The following RASA2 variants were observed in gnomAD, a reference collection of about 807,000 sequenced individuals.
The protein encoded by RASA2 is ras GTPase-activating protein 2.
Under a neutral mutation model 118.2 loss-of-function variants are expected in RASA2, and 155 were observed. The observed-to-expected ratio is 1.31, with a 90% CI of 1.15 to 1.50. RASA2 has a LOEUF of 1.50. Ranked by LOEUF, RASA2 falls within the 40% of genes most tolerant of loss-of-function variation. The probability of loss-of-function intolerance (pLI) is 0.00; values close to 1 mark genes in which losing one functional copy is unlikely to be tolerated. For synonymous variants in RASA2, 353 were observed against 349.1 expected (o/e 1.01, Z -0.12); for missense variants, 1,016 against 1,009.6 (o/e 1.01, Z -0.09).
At chr3:141,580,530 C>G in intron 16 of RASA2, 79 bp downstream of exon 16, 1 of 1,084,688 alleles carries the variant, frequency 9.2e-7, no homozygotes, top group Non-Finnish European at 1.3e-6. Flanking sequence ...CTTGACTTAC[C>G]TTCTTCCAAA....
In RASA2 at chr3:141,609,997, T is replaced by C. The variant is rs770270079; in HGVS notation, c.2450T>C (p.Ile817Thr). Residue 817 changes from isoleucine to threonine, a missense_variant, in exon 23 of 24, where the codon ATT becomes ACT. By Grantham distance (89) the Ile-to-Thr change is moderately conservative (BLOSUM62 -1). Transcript: ENST00000286364. ...ACAATTCAGCAAATAAAAAGCATAATTGAGAAGCTGGATGAACCTCATGAA... is the reference window on the plus strand; with the variant it reads ...ACAATTCAGCAAATAAAAAGCATAACTGAGAAGCTGGATGAACCTCATGAA... ...FKTIQQIKSI[I>T]EKLDEPHEKY... 2 of 1,606,306 alleles carry C rather than the reference T, an allele frequency of 1.2e-6. No individual in the cohort carries two copies. Among genetic ancestry groups the C allele is most frequent in the Non-Finnish European group, 1.7e-6 (2 of 1,176,504 alleles).
chr3:141,516,391 T>C lies in RASA2; in HGVS notation c.315T>C (p.Tyr105=). 2 of 1,563,330 alleles carry C rather than the reference T, an allele frequency of 1.3e-6. No individual in the cohort carries two copies. Among genetic ancestry groups the C allele is most frequent in the Non-Finnish European group, 1.7e-6 (2 of 1,155,494 alleles). ...IPRTFQYLSF[Y]VYDKNVLQRD... is the part of the protein sequence containing the mutation. ...GAACTTTCCAGTATTTGTCTTTCTA[T>C]GTTTATGATAAGAATGTTTTACAAA... The change falls in exon 3 of 24, where the codon TAT becomes TAC. Residue 105 remains tyrosine (Y), a synonymous_variant. Coordinates refer to ENST00000286364, the MANE Select transcript of RASA2 (RefSeq NM_006506.5).
intron 19 of RASA2, among the ~76,000 whole-genome samples, chr3:141,607,403 C>T (rs73871841): frequency 0.013 from 1,988 of 151,860 alleles, 31 homozygotes; most frequent in African/African-American, 0.045. Context: ...AACTTTCTTA[C>T]GTTCTACACA....
At chr3:141,509,684 T>C (rs994325144) in intron 1 of RASA2, among the ~76,000 whole-genome samples, 2 of 151,838 alleles carry the variant, frequency 1.3e-5, no homozygotes, top group African/African-American at 2.4e-5. Flanking sequence ...GTAATGAAAA[T>C]AGAATTGCTA....
intron 19 of RASA2, among the ~76,000 whole-genome samples, chr3:141,599,858 G>C (rs1269819011): frequency 6.6e-6 from 1 of 152,168 alleles, no homozygotes; most frequent in Non-Finnish European, 1.5e-5. Context: ...CGAAGAGTAA[G>C]GGAGGGAATG....
chr3:141,487,053 G>A lies in RASA2; in HGVS notation c.-31G>A. 2 of 1,220,928 alleles carry A rather than the reference G, an allele frequency of 1.6e-6. No homozygotes were observed. The highest frequency in any genetic ancestry group is 4.7e-5 in the Admixed American group (1 of 21,386). The allele number at this position is 1,220,928 out of a possible 1,614,324, so 75.6% of individuals were successfully genotyped here. On this transcript the variant is annotated 5_prime_UTR_variant, in exon 1 of 24. Coordinates refer to ENST00000286364, the MANE Select transcript of RASA2 (RefSeq NM_006506.5). ...CTCCGCCTCGCCCGGCTACGCAGGC[G>A]GCAGGGCTGCGGCACGGGCCGGGCG...
intron 9 of RASA2, among the ~76,000 whole-genome samples, chr3:141,562,021 C>T (rs965528176): frequency 2.0e-5 from 3 of 151,858 alleles, no homozygotes; most frequent in African/African-American, 4.8e-5. Context: ...GGCATGATCT[C>T]GGCTCACTGC....
intron 3 of RASA2, among the ~76,000 whole-genome samples, chr3:141,521,894 GTTT>G (rs369996071): frequency 7.2e-6 from 1 of 139,674 alleles, no homozygotes; most frequent in Admixed American, 7.1e-5. Flanking sequence ...TAACACACAG[GTTT>G]TTTTTTTTTT....
chr3:141,569,689 G>A (rs1049282695), intron 9 of RASA2, among the ~76,000 whole-genome samples: 1 of 151,914 alleles, frequency 6.6e-6, no homozygotes, highest in African/African-American at 2.4e-5. Flanking sequence ...TTGTTACATG[G>A]GTATATTGTG....
chr3:141,492,189 C>G (rs2081647197), intron 1 of RASA2, among the ~76,000 whole-genome samples: 1 of 152,106 alleles, frequency 6.6e-6, no homozygotes, highest in Non-Finnish European at 1.5e-5. Context: ...TTGAATAGAT[C>G]CTTAAGTGAC....
intron 13 of RASA2, among the ~76,000 whole-genome samples, chr3:141,573,651 T>C (rs1178677238): frequency 1.3e-5 from 2 of 152,226 alleles, no homozygotes; most frequent in Non-Finnish European, 2.9e-5. Context: ...TGCTTGTGTA[T>C]CCGAGTTATT....
intron 5 of RASA2, among the ~76,000 whole-genome samples, chr3:141,543,866 T>C: frequency 8.2e-6 from 1 of 121,732 alleles, no homozygotes; most frequent in Non-Finnish European, 1.7e-5. Flanking sequence ...TCTTTCTTTC[T>C]TTCTTTTTTC....
intron 23 of RASA2, 89 bp downstream of exon 23, chr3:141,610,155 C>A: frequency 8.7e-7 from 1 of 1,150,404 alleles, no homozygotes; most frequent in South Asian, 1.8e-5. Context: ...CCTGCTCACC[C>A]ACATCTGTCA....
intron 1 of RASA2, among the ~76,000 whole-genome samples, chr3:141,493,976 T>G (rs2081668382): frequency 6.6e-6 from 1 of 152,222 alleles, no homozygotes; most frequent in Admixed American, 6.5e-5. Flanking sequence ...GCTTGAAGAT[T>G]TTTTCACATT....
chr3:141,540,639 A>G (rs762129469), intron 5 of RASA2, 30 bp downstream of exon 5: 61 of 1,547,648 alleles, frequency 3.9e-5, no homozygotes, highest in Non-Finnish European at 4.6e-5. Flanking sequence ...AAAATCAACT[A>G]GAAATAATTC....
chr3:141,582,189 C>T (rs2083124629), intron 17 of RASA2, among the ~76,000 whole-genome samples: 1 of 152,068 alleles, frequency 6.6e-6, no homozygotes, highest in Non-Finnish European at 1.5e-5. Flanking sequence ...CATGTTTGAG[C>T]CTTTTTTTAT....
chr3:141,548,771 C>G (rs1361231838), intron 5 of RASA2, among the ~76,000 whole-genome samples: 1 of 152,158 alleles, frequency 6.6e-6, no homozygotes, highest in Non-Finnish European at 1.5e-5. Flanking sequence ...TGAGACCTCC[C>G]TGCCATCCAT....
Position 141,570,900 on chromosome 3 carries a change from T to C in RASA2, c.864-12T>C. The C allele has an allele frequency of 6.3e-7, 1 of 1,597,206 alleles. No individual in the cohort carries two copies. ...TTTCCATCACATGGAATCACTTATATTTTTACTTTAGGTACTTGCTACAGC... is the reference window on the plus strand; with the variant it reads ...TTTCCATCACATGGAATCACTTATACTTTTACTTTAGGTACTTGCTACAGC... On this transcript the variant is annotated splice_polypyrimidine_tract_variant and intron_variant, in intron 9 of 23. Transcript: ENST00000286364.
intron 3 of RASA2, among the ~76,000 whole-genome samples, chr3:141,527,283 AC>A (rs1389536201): frequency 1.3e-5 from 2 of 152,198 alleles, no homozygotes; most frequent in African/African-American, 4.8e-5. Context: ...TGTGTACAAA[AC>A]TAAAAATTAT....
Sources: gnomAD v4.1 joint callset for allele counts (sites outside exome capture counted in the v4.1 genomes callset) on GRCh38, gnomAD v4.1.1 for gene constraint, MANE v1.5 for transcripts, NCBI Gene and HGNC (gene_info 2026-07-23, HGNC 2026-07-21) for gene names.